The following TBC1D7 variants were observed in gnomAD, a reference collection of about 807,000 sequenced individuals.
TBC1D7 encodes TBC1 domain family member 7.
Under a neutral mutation model 35.3 loss-of-function variants are expected in TBC1D7, and 33 were observed. That is an observed-to-expected ratio of 0.93 (90% confidence interval 0.71 to 1.25). TBC1D7 has a LOEUF of 1.25. Among genes scored for constraint, TBC1D7 ranks in the 50% most tolerant of loss-of-function variants. The pLI is 0.00. For synonymous variants in TBC1D7, 135 were observed against 129.5 expected (o/e 1.04, Z -0.29); for missense variants, 362 against 365.3 (o/e 0.99, Z 0.07).
chr6:13,307,678 G>A lies in TBC1D7; in HGVS notation c.587C>T (p.Ser196Phe), dbSNP rs201787427. The A allele has an allele frequency of 2.4e-5, 39 of 1,613,984 alleles. No homozygotes were observed. The highest frequency in any genetic ancestry group is 3.1e-5 in the Non-Finnish European group (36 of 1,180,008). ...GRLLTHLRMC[S>F]AAPKLPYDLW... is the part of the protein sequence containing the mutation. ...ATCATAAGGAAGTTTGGGCGCCGCG[G>A]AACACATCCTCAGATGAGTCAGCAG... Residue 196 changes from serine (S) to phenylalanine (F), a missense_variant, in exon 6 of 8, where the codon TCC becomes TTC. Ser to Phe is a radical substitution (Grantham distance 155). Transcript: ENST00000379300.
At chr6:13,313,037 C>A (rs1239078482) in intron 5 of TBC1D7, among the ~76,000 whole-genome samples, 1 of 152,038 alleles carries the variant, frequency 6.6e-6, no homozygotes, top group African/African-American at 2.4e-5. Flanking sequence ...AGTATAACAA[C>A]TATTTACATA....
chr6:13,326,811 T>C lies in TBC1D7; in HGVS notation c.88A>G (p.Ile30Val), dbSNP rs1265653713. ...RGVEEKKSLE[I>V]LLKDDRLDTE... ...CCCAGACGGTCATCTTTTAGGAGAA[T>C]TTCTAATGATTTCTTTTCTTCAACT... The change falls in exon 2 of 8, where the codon ATT (isoleucine) becomes GTT (valine). Residue 30 changes from isoleucine to valine, a missense_variant. Ile to Val is a conservative substitution (Grantham distance 29). Transcript: ENST00000379300. 6.2e-7 allele frequency: 1 copy of C among 1,612,772 alleles called. No individual in the cohort carries two copies. The highest frequency in any genetic ancestry group is 8.5e-7 in the Non-Finnish European group (1 of 1,179,318).
chr6:13,326,752 G>T, intron 2 of TBC1D7, 35 bp downstream of exon 2: 1 of 1,358,922 alleles, frequency 7.4e-7, no homozygotes, highest in Non-Finnish European at 1.0e-6. Context: ...TGGAGTGATT[G>T]AGAACCAATG....
rs1457395264 is a variant in TBC1D7 at position 13,305,109 on chromosome 6, A to C, written c.874T>G (p.Ser292Ala). ...WHKHCGTPVHSS is the reference protein window; with the variant it reads ...WHKHCGTPVHAS Reference sequence around the variant, plus strand: ...ACAACCAGCGGGTGCGTTCAGCTTGAATGGACCGGGGTCCCACAGTGTTTG... The same window carrying C: ...ACAACCAGCGGGTGCGTTCAGCTTGCATGGACCGGGGTCCCACAGTGTTTG... Residue 292 changes from serine (S) to alanine (A), a missense_variant, in exon 8 of 8, where the codon TCA becomes GCA. Coordinates refer to ENST00000379300, the MANE Select transcript of TBC1D7 (RefSeq NM_016495.6). 2 of 1,611,722 alleles carry C rather than the reference A, an allele frequency of 1.2e-6. No homozygotes were observed. The highest frequency in any genetic ancestry group is 1.7e-5 in the Admixed American group (1 of 59,726).
chr6:13,324,231 G>A (rs1260448330), intron 3 of TBC1D7, among the ~76,000 whole-genome samples: 3 of 151,898 alleles, frequency 2.0e-5, no homozygotes, highest in Admixed American at 6.6e-5. Context: ...GGGTTCAAGC[G>A]ATTCTCCTTC....
chr6:13,313,687 T>C (rs752659379), intron 5 of TBC1D7, among the ~76,000 whole-genome samples: 2 of 152,166 alleles, frequency 1.3e-5, no homozygotes, highest in Non-Finnish European at 2.9e-5. Flanking sequence ...TGGTTCTAAA[T>C]GAGTGCCTTT....
intron 4 of TBC1D7, chr6:13,318,050 G>A (rs1308949668): frequency 1.3e-5 from 2 of 152,790 alleles, no homozygotes; most frequent in Non-Finnish European, 2.9e-5. Context: ...TTCCTAAGAA[G>A]AGGAAGAGAG....
At chr6:13,318,157 A>T (rs574133721) in intron 4 of TBC1D7, 2 of 152,460 alleles carry the variant, frequency 1.3e-5, no homozygotes, top group South Asian at 4.1e-4. Context: ...GAAGGCCTTC[A>T]CCAGATGTAG....
At chr6:13,315,023 C>CATAG (rs1409595484) in intron 5 of TBC1D7, among the ~76,000 whole-genome samples, 3 of 152,172 alleles carry the variant, frequency 2.0e-5, no homozygotes, top group African/African-American at 4.8e-5. Flanking sequence ...ATGTGCCCCT[C>CATAG]CTATGTCACT....
At chr6:13,305,468 T>C in intron 7 of TBC1D7, 1 of 480,590 alleles carries the variant, frequency 2.1e-6, no homozygotes. Context: ...ATGGGGGAAA[T>C]GATAGCCTGA....
At chr6:13,325,288 T>A in intron 2 of TBC1D7, 114 bp from the exon 3 acceptor site, 1 of 715,386 alleles carries the variant, frequency 1.4e-6, no homozygotes, top group Non-Finnish European at 2.3e-6. Flanking sequence ...TCAGGGGAAG[T>A]CTACCATATG....
chr6:13,325,036 A>T, intron 3 of TBC1D7, 58 bp downstream of exon 3: 1 of 1,306,970 alleles, frequency 7.7e-7, no homozygotes. Context: ...TAAGATAGCA[A>T]ATGATCCCTT....
intron 5 of TBC1D7, among the ~76,000 whole-genome samples, chr6:13,316,055 G>T (rs374292563): frequency 6.6e-6 from 1 of 152,232 alleles, no homozygotes; most frequent in Non-Finnish European, 1.5e-5. Flanking sequence ...TTGTGAGCAC[G>T]AGAGGAAAGA....
intron 3 of TBC1D7, among the ~76,000 whole-genome samples, chr6:13,322,049 C>T (rs1444920022): frequency 6.6e-6 from 1 of 152,090 alleles, no homozygotes; most frequent in Non-Finnish European, 1.5e-5. Context: ...CCAGCCTGGG[C>T]AACTGGGTGA....
chr6:13,317,324 C>CAG (rs1254201831), intron 4 of TBC1D7, among the ~76,000 whole-genome samples: 1 of 152,160 alleles, frequency 6.6e-6, no homozygotes, highest in Non-Finnish European at 1.5e-5. Flanking sequence ...TAAATTTCAA[C>CAG]AGAGAAATCT....
chr6:13,322,136 G>A (rs945284457), intron 3 of TBC1D7, among the ~76,000 whole-genome samples: 2 of 152,062 alleles, frequency 1.3e-5, no homozygotes, highest in African/African-American at 2.4e-5. Flanking sequence ...AGCTACCCGG[G>A]AGGCTGAAGT....
Position 13,326,900 on chromosome 6 carries a change from T to C in TBC1D7, c.-2A>G. The C allele has an allele frequency of 2.5e-6, 4 of 1,586,166 alleles. No homozygotes were observed. Among genetic ancestry groups the C allele is most frequent in the Non-Finnish European group, 2.6e-6 (3 of 1,160,458 alleles). On this transcript the variant is annotated 5_prime_UTR_variant, in exon 2 of 8. Transcript: ENST00000379300. Reference sequence around the variant, plus strand: ...GTTTCTCTGAGAGTCCTCAGTCATATTTCATTCTTGGAGGAGACACAGAAA... The same window carrying C: ...GTTTCTCTGAGAGTCCTCAGTCATACTTCATTCTTGGAGGAGACACAGAAA...
chr6:13,305,311 C>A, intron 7 of TBC1D7, 124 bp from the exon 8 acceptor site: 4 of 905,294 alleles, frequency 4.4e-6, no homozygotes, highest in South Asian at 1.4e-5. Flanking sequence ...AAAGTGACAG[C>A]ATAAAAGACT....
chr6:13,306,441 A>T lies in TBC1D7; in HGVS notation c.752T>A (p.Met251Lys), dbSNP rs747950516. 1.2e-6 allele frequency: 2 copies of T among 1,609,204 alleles called. No homozygotes were observed. Among genetic ancestry groups the T allele is most frequent in the Non-Finnish European group, 8.5e-7 (1 of 1,178,210 alleles). Residue 251 changes from methionine (M) to lysine (K), a missense_variant, in exon 7 of 8, where the codon ATG becomes AAG. Coordinates refer to ENST00000379300, the MANE Select transcript of TBC1D7 (RefSeq NM_016495.6). ...TATCTTCTCTGCACTGTTCAGTGCC[A>T]TAACTTTTATTTTAAAGGTTAATAA... Reference protein sequence around the residue: ...EILLTFKIKVMALNSAEKITK... With the variant: ...EILLTFKIKVKALNSAEKITK...
Sources: gnomAD v4.1 joint callset for allele counts (sites outside exome capture counted in the v4.1 genomes callset) on GRCh38, gnomAD v4.1.1 for gene constraint, MANE v1.5 for transcripts, NCBI Gene and HGNC (gene_info 2026-07-23, HGNC 2026-07-21) for gene names.